Variants in PLG observed in about 807,000 individuals in gnomAD.
PLG encodes the protein plasmin.
Under a neutral mutation model 104.4 loss-of-function variants are expected in PLG, and 41 were observed. That is an observed-to-expected ratio of 0.39 (90% CI 0.31 to 0.51). The LOEUF is 0.51. Among genes scored for constraint, PLG ranks in the 20% least tolerant of loss-of-function variants. The pLI, the probability that PLG is intolerant of heterozygous loss-of-function variation, is 0.76. For missense variants in PLG, 891 were observed against 1,003.6 expected (o/e 0.89, Z 1.52); for synonymous variants, 337 against 357.1 (o/e 0.94, Z 0.63).
intron 17 of PLG, among the ~76,000 whole-genome samples, chr6:160,749,790 A>G (rs1214816334): frequency 6.6e-6 from 1 of 150,854 alleles, no homozygotes; most frequent in Non-Finnish European, 1.5e-5. Flanking sequence ...CATGATCATT[A>G]CTACCCACCA....
rs138242513 is a variant in PLG at position 160,716,748 on chromosome 6, G to A, written c.772G>A (p.Asp258Asn). The change falls in exon 7 of 19, where the codon GAC becomes AAC. Residue 258 changes from aspartate to asparagine, a missense_variant. Around this residue, in one of 2 missense-constraint regions of PLG, gnomAD observed 854 missense variants for 932.1 expected, o/e 0.92. Transcript: ENST00000308192. The stretch of plus-strand genomic sequence containing the variant: ...CCCCAACAAGCGCTGGGAACTTTGT[G>A]ACATCCCCCGCTGCAGTGAGTATGA... ...TDPNKRWELCDIPRCTTPPPS... is the reference protein window; with the variant it reads ...TDPNKRWELCNIPRCTTPPPS... 9.6e-5 allele frequency: 153 copies of A among 1,596,296 alleles called. No individual in the cohort carries two copies. In the African/African-American group the frequency reaches 1.7e-3, roughly 18 times the overall value.
Position 160,726,069 on chromosome 6 carries a change from CA to C in PLG, c.1256+3509del, listed in dbSNP as rs1405654267. Among the ~76,000 whole-genome samples, 4 of 151,886 alleles carry C rather than the reference CA, an allele frequency of 2.6e-5. No individual in the cohort carries two copies. The South Asian group carries it at 6.2e-4, about 24-fold the overall frequency. ...AACAAAATATAATAGAAAAAATACA[CA>C]AAAAAATCAGAAAGAATATATATGT... On this transcript the variant is annotated intron_variant, in intron 10 of 18. Transcript: ENST00000308192. This position sits in a 1 kb window ranked among gnomAD's most constrained non-coding sequence, Gnocchi z 4.4.
chr6:160,711,252 G>A lies in PLG; in HGVS notation c.407+61G>A, dbSNP rs1777636324. 31 of 1,517,604 alleles carry A rather than the reference G, an allele frequency of 2.0e-5. 1 individual carries two copies. The East Asian group carries it at 4.9e-4, about 24-fold the overall frequency. The allele number at this position is 1,517,604 out of a possible 1,614,324, so 94.0% of individuals were successfully genotyped here. On this transcript the variant is annotated intron_variant, in intron 4 of 18. Transcript: ENST00000308192. ...TGTAAAGTTGTCCCTCTGTGTCTGTGAGGGATTGGTTCCAGGACCCCTGTG... is the reference window on the plus strand; with the variant it reads ...TGTAAAGTTGTCCCTCTGTGTCTGTAAGGGATTGGTTCCAGGACCCCTGTG...
rs1050098245 is a variant in PLG at position 160,736,023 on chromosome 6, T to C, written c.1682-864T>C. ...GGTTGGTTGGGAAGGAATTTCCTCT[T>C]ACAGTTGTTACTAATAATTGTATGA... On this transcript the variant is annotated intron_variant, in intron 13 of 18. Transcript: ENST00000308192. The surrounding 1 kb of genome is among the most constrained non-coding windows in gnomAD (Gnocchi z 5.2). Among the ~76,000 whole-genome samples the C allele has an allele frequency of 6.6e-6, 1 of 152,234 alleles. No individual in the cohort carries two copies. The highest frequency in any genetic ancestry group is 1.5e-5 in the Non-Finnish European group (1 of 68,046).
chr6:160,706,586 G>C (rs377075321), intron 2 of PLG, 44 bp downstream of exon 2: 106 of 1,575,606 alleles, frequency 6.7e-5, no homozygotes, highest in Admixed American at 1.5e-4. Context: ...CTGTAATTCA[G>C]ATGGCAAGTA....
intron 1 of PLG, among the ~76,000 whole-genome samples, chr6:160,704,766 G>A (rs1777486341): frequency 6.6e-6 from 1 of 152,214 alleles, no homozygotes; most frequent in Non-Finnish European, 1.5e-5. Context: ...GAGGTGGGGA[G>A]CAGGGGGACT....
In PLG at chr6:160,716,687, C is replaced by A. The variant is rs200226472; in HGVS notation, c.711C>A (p.Pro237=). The A allele has an allele frequency of 6.2e-7, 1 of 1,613,458 alleles. No individual in the cohort carries two copies. The highest frequency in any genetic ancestry group is 8.5e-7 in the Non-Finnish European group (1 of 1,179,376). Residue 237 remains proline, a synonymous_variant, in exon 7 of 19, where the codon CCC becomes CCA. Coordinates refer to ENST00000308192, the MANE Select transcript of PLG (RefSeq NM_000301.5). ...TGAAGAAGAATTACTGTCGTAACCC[C>A]GATAGGGAGCTGCGGCCTTGGTGTT... ...KNLKKNYCRN[P]DRELRPWCFT...
intron 7 of PLG, among the ~76,000 whole-genome samples, chr6:160,717,187 A>G (rs1162026932): frequency 6.6e-6 from 1 of 150,842 alleles, no homozygotes; most frequent in Non-Finnish European, 1.5e-5. Flanking sequence ...CAGTTTTTCC[A>G]CCTTGGGGAG....
intron 17 of PLG, among the ~76,000 whole-genome samples, chr6:160,746,239 T>G (rs754149344): frequency 1.1e-4 from 16 of 152,240 alleles, no homozygotes; most frequent in Admixed American, 5.9e-4. Context: ...GTTTACTTTC[T>G]CCCCATCCCT....
chr6:160,750,278 C>G (rs1778380815), intron 17 of PLG, among the ~76,000 whole-genome samples: 1 of 152,198 alleles, frequency 6.6e-6, no homozygotes, highest in African/African-American at 2.4e-5. Context: ...CTGTTGCCCT[C>G]TCCCCAACGC....
At chr6:160,718,245 C>T (rs748514717) in intron 7 of PLG, 49 bp from the exon 8 acceptor site, 47 of 1,504,614 alleles carry the variant, frequency 3.1e-5, no homozygotes, top group Middle Eastern at 1.7e-4. Context: ...AGCGAGACTC[C>T]GTCTCAAAAA....
rs185122381 is a variant in PLG at position 160,725,650 on chromosome 6, T to A, written c.1256+3083T>A. On this transcript the variant is annotated intron_variant, in intron 10 of 18. Coordinates refer to ENST00000308192, the MANE Select transcript of PLG (RefSeq NM_000301.5). This position sits in a 1 kb window ranked among gnomAD's most constrained non-coding sequence, Gnocchi z 6.3. ...ATATTAAATATAAAGGGATTAAACA[T>A]TGCACAGAAAAGGCAGAGATTATTA... Among the ~76,000 whole-genome samples the A allele has an allele frequency of 1.5e-4, 23 of 152,216 alleles. No homozygotes were observed. The East Asian group carries it at 3.3e-3, about 22-fold the overall frequency.
chr6:160,702,712 G>A (rs753273237), intron 1 of PLG, among the ~76,000 whole-genome samples: 46 of 152,124 alleles, frequency 3.0e-4, no homozygotes, highest in Non-Finnish European at 5.9e-4. Context: ...TCTCTGTTAC[G>A]GTGTCATGCT....
chr6:160,728,890 G>A (rs2115171854), intron 10 of PLG, among the ~76,000 whole-genome samples: 1 of 152,080 alleles, frequency 6.6e-6, no homozygotes, highest in Non-Finnish European at 1.5e-5. Context: ...AGCTTTAAAA[G>A]AAAATAAATT....
chr6:160,745,340 G>A lies in PLG; in HGVS notation c.2125+3923G>A, dbSNP rs148029285. Among the ~76,000 whole-genome samples the A allele has an allele frequency of 3.9e-4, 60 of 152,264 alleles. 1 individual carries two copies. Among genetic ancestry groups the A allele is most frequent in the Non-Finnish European group, 6.9e-4 (47 of 68,024 alleles). Reference sequence around the variant, plus strand: ...ATGAAGCTGGGTGCTCTTGTGTTGGGTTCACATGTATTTAGGATAGTAGAT... The same window carrying A: ...ATGAAGCTGGGTGCTCTTGTGTTGGATTCACATGTATTTAGGATAGTAGAT... On this transcript the variant is annotated intron_variant, in intron 17 of 18. Coordinates refer to ENST00000308192, the MANE Select transcript of PLG (RefSeq NM_000301.5).
At position 160,726,849 on chromosome 6, in the gene PLG, G is replaced by A. The variant is rs557877385; in HGVS notation, c.1257-4202G>A. On this transcript the variant is annotated intron_variant, in intron 10 of 18. Coordinates refer to ENST00000308192, the MANE Select transcript of PLG (RefSeq NM_000301.5). This position sits in a 1 kb window ranked among gnomAD's most constrained non-coding sequence, Gnocchi z 4.4. ...CTTAAGACCAAAAACTTTGAGAACT[G>A]TTGATTTAAGATAACTTAAACATCT... 2.6e-5 allele frequency among the ~76,000 whole-genome samples: 4 copies of A among 151,980 alleles called. No homozygotes were observed. Among genetic ancestry groups the A allele is most frequent in the South Asian group, 4.2e-4 (2 of 4,816 alleles).
chr6:160,736,752 C>G lies in PLG; in HGVS notation c.1682-135C>G, dbSNP rs758138882. On this transcript the variant is annotated intron_variant, in intron 13 of 18. Transcript: ENST00000308192. This position sits in a 1 kb window ranked among gnomAD's most constrained non-coding sequence, Gnocchi z 5.2. ...ACTTTTGAAACTTAGAGAAAATGTTCCAAAAGATGATGATTTTACTATTTA... is the reference window on the plus strand; with the variant it reads ...ACTTTTGAAACTTAGAGAAAATGTTGCAAAAGATGATGATTTTACTATTTA... 1.6e-5 allele frequency: 18 copies of G among 1,135,582 alleles called. No individual in the cohort carries two copies. Among genetic ancestry groups the G allele is most frequent in the Admixed American group, 1.9e-5 (1 of 51,702 alleles). 70.3% of individuals were successfully genotyped at this position (1,135,582 alleles called of 1,614,324 possible).
Position 160,736,642 on chromosome 6 carries a change from A to G in PLG, c.1682-245A>G, listed in dbSNP as rs186139727. ...TCTCATTCTGATGCTAAACTATACC[A>G]GTCTGTTTGATCACTTCTCCAACAA... On this transcript the variant is annotated intron_variant, in intron 13 of 18. Coordinates refer to ENST00000308192, the MANE Select transcript of PLG (RefSeq NM_000301.5). The surrounding 1 kb of genome is among the most constrained non-coding windows in gnomAD (Gnocchi z 5.2). 2.9e-4 allele frequency among the ~76,000 whole-genome samples: 44 copies of G among 152,282 alleles called. No individual in the cohort carries two copies. The highest frequency in any genetic ancestry group is 2.6e-4 in the Non-Finnish European group (18 of 68,032).
chr6:160,745,983 G>T lies in PLG; in HGVS notation c.2125+4566G>T, dbSNP rs78495917. 8.6e-3 allele frequency among the ~76,000 whole-genome samples: 1,313 copies of T among 152,306 alleles called. 18 individuals are homozygous for T. The highest frequency in any genetic ancestry group is 0.031 in the African/African-American group (1,275 of 41,562). ...ATATCTTCTAGCTTGTACGGGTTCA[G>T]TTGAGAGGTATGCTGTTAGATTGAT... On this transcript the variant is annotated intron_variant, in intron 17 of 18. Transcript: ENST00000308192.
Sources: gnomAD v4.1 joint callset for allele counts (sites outside exome capture counted in the v4.1 genomes callset) on GRCh38, gnomAD v4.1.1 for gene constraint, gnomAD v4.1.1 regional missense constraint, Gnocchi (gnomAD v3.1) non-coding constraint, MANE v1.5 for transcripts, NCBI Gene and HGNC (gene_info 2026-07-23, HGNC 2026-07-21) for gene names.